Variants in PPARGC1A observed in about 807,000 individuals in gnomAD.
The protein encoded by PPARGC1A is peroxisome proliferator-activated receptor gamma coactivator 1-alpha.
Under a neutral mutation model 88.7 loss-of-function variants are expected in PPARGC1A, and 25 were observed. The ratio of observed to expected loss-of-function variants is 0.28; its 90% CI spans 0.21 to 0.39. PPARGC1A has a LOEUF of 0.39. Ranked by LOEUF, PPARGC1A falls within the 10% of genes least tolerant of loss-of-function variation. The pLI, the probability that PPARGC1A is intolerant of heterozygous loss-of-function variation, is 1.00. For synonymous variants in PPARGC1A, 363 were observed against 355.6 expected, an observed-to-expected ratio of 1.02 and a Z score of -0.24; for missense variants, 880 against 968.7, an observed-to-expected ratio of 0.91 and a Z score of 1.22.
chr4:24,311,249 G>A, the PPARGC1A span, among the ~76,000 whole-genome samples: 7 of 148,496 alleles, frequency 4.7e-5, no homozygotes, highest in South Asian at 4.2e-4. Flanking sequence ...ACAGGCGCCC[G>A]CCACCACGCC....
chr4:24,441,927 C>T, the PPARGC1A span, among the ~76,000 whole-genome samples: 1 of 152,190 alleles, frequency 6.6e-6, no homozygotes, highest in African/African-American at 2.4e-5. Context: ...AATTCAGTAG[C>T]ATCAGAATGA....
chr4:24,154,367 ATGTC>A, the PPARGC1A span, among the ~76,000 whole-genome samples: 1 of 152,310 alleles, frequency 6.6e-6, no homozygotes, highest in East Asian at 1.9e-4. Context: ...TGCTCAAAAC[ATGTC>A]TGTCAAATAA....
the PPARGC1A span, among the ~76,000 whole-genome samples, chr4:24,405,792 C>T: frequency 1.3e-5 from 2 of 152,222 alleles, no homozygotes; most frequent in Non-Finnish European, 2.9e-5. Flanking sequence ...TTCAACTCAA[C>T]TCGAACTGCC....
the PPARGC1A span, among the ~76,000 whole-genome samples, chr4:24,117,772 T>C: frequency 1.3e-5 from 2 of 152,038 alleles, no homozygotes; most frequent in African/African-American, 4.8e-5. Context: ...CTATTAATAA[T>C]AATTAGTAAC....
At chr4:23,879,838 C>A (rs1715562531) in intron 2 of PPARGC1A, 1 of 152,154 alleles carries the variant, frequency 6.6e-6, no homozygotes, top group African/African-American at 2.4e-5. Context: ...ACATTTCCAA[C>A]TGGGTTCTCA....
chr4:24,021,410 C>T, the PPARGC1A span, among the ~76,000 whole-genome samples: 1 of 152,158 alleles, frequency 6.6e-6, no homozygotes. Context: ...TTTATTCATT[C>T]CTTCCTCAGT....
At chr4:24,097,716 C>T in the PPARGC1A span, among the ~76,000 whole-genome samples, 3 of 152,154 alleles carry the variant, frequency 2.0e-5, no homozygotes, top group African/African-American at 7.2e-5. Context: ...CTATGAATTC[C>T]AGCACTGTAG....
the PPARGC1A span, among the ~76,000 whole-genome samples, chr4:24,138,069 G>A: frequency 2.5e-3 from 383 of 152,280 alleles, 1 homozygote; most frequent in African/African-American, 8.8e-3. Context: ...TGAGCATAGA[G>A]CCCAAAGTTC....
chr4:24,009,578 T>C, the PPARGC1A span, among the ~76,000 whole-genome samples: 1 of 152,202 alleles, frequency 6.6e-6, no homozygotes, highest in Non-Finnish European at 1.5e-5. Flanking sequence ...TTTTAGTAAC[T>C]ACAAACAATT....
At chr4:23,866,677 C>T (rs775721375) in intron 2 of PPARGC1A, among the ~76,000 whole-genome samples, 2 of 152,126 alleles carry the variant, frequency 1.3e-5, no homozygotes, top group Non-Finnish European at 1.5e-5. Flanking sequence ...AAATAGCAGG[C>T]ACTAGAGAAT....
the PPARGC1A span, among the ~76,000 whole-genome samples, chr4:24,067,773 C>T: frequency 2.0e-5 from 3 of 152,208 alleles, no homozygotes; most frequent in East Asian, 1.9e-4. Context: ...AAGCTGATTA[C>T]GGAGTTCCCA....
In PPARGC1A at chr4:23,792,419, T is replaced by C. The variant is rs577637929; in HGVS notation, c.*3403A>G. The C allele has an allele frequency of 6.6e-6, 1 of 152,560 alleles. No homozygotes were observed. The highest frequency in any genetic ancestry group is 1.5e-5 in the Non-Finnish European group (1 of 68,026). 9.5% of individuals were successfully genotyped at this position (152,560 alleles called of 1,614,324 possible). A position where few individuals can be genotyped will look rare whatever the true frequency, so the allele number is the denominator to read the frequency against. ...CAAGAAAGGACACATAATCATTACC[T>C]ACTGGAAGCTCACATCTAAAGGCAT... On this transcript the variant is annotated 3_prime_UTR_variant, in exon 13 of 13. Coordinates refer to ENST00000264867, the MANE Select transcript of PPARGC1A (RefSeq NM_013261.5).
At chr4:24,241,116 C>G in the PPARGC1A span, among the ~76,000 whole-genome samples, 63 of 152,254 alleles carry the variant, frequency 4.1e-4, 2 homozygotes, top group East Asian at 0.012. Context: ...CTCTCCTGCC[C>G]TGGATTTTAT....
chr4:24,022,683 C>T, the PPARGC1A span, among the ~76,000 whole-genome samples: 1 of 152,158 alleles, frequency 6.6e-6, no homozygotes, highest in East Asian at 1.9e-4. Flanking sequence ...CCAGTTGCCT[C>T]AGATTAGAAA....
chr4:24,387,998 T>TGAAG, the PPARGC1A span, among the ~76,000 whole-genome samples: 3 of 125,852 alleles, frequency 2.4e-5, no homozygotes, highest in Admixed American at 7.7e-5. Flanking sequence ...GAGGGAGGGA[T>TGAAG]GAAGGAAGGA....
intron 10 of PPARGC1A, 114 bp downstream of exon 10, chr4:23,812,633 G>C (rs2109447307): frequency 6.7e-7 from 1 of 1,501,752 alleles, no homozygotes; most frequent in South Asian, 1.3e-5. Context: ...GCTGAAAATG[G>C]CCTGTTCTAA....
chr4:24,174,341 AGAGT>A, the PPARGC1A span, among the ~76,000 whole-genome samples: 5 of 152,232 alleles, frequency 3.3e-5, no homozygotes, highest in East Asian at 3.8e-4. Flanking sequence ...CAGAGATTTA[AGAGT>A]GAGTCTCAGG....
chr4:24,400,940 A>G, the PPARGC1A span, among the ~76,000 whole-genome samples: 1 of 151,888 alleles, frequency 6.6e-6, no homozygotes, highest in African/African-American at 2.4e-5. Flanking sequence ...GCATGATTCA[A>G]AGTTGTTTAC....
the PPARGC1A span, among the ~76,000 whole-genome samples, chr4:24,022,028 A>G: frequency 6.6e-6 from 1 of 152,152 alleles, no homozygotes; most frequent in African/African-American, 2.4e-5. Flanking sequence ...AGAGGCGAGG[A>G]GTGGCCAGTG....
Sources: allele counts gnomAD v4.1 joint callset (sites outside exome capture counted in the v4.1 genomes callset), GRCh38; gene constraint gnomAD v4.1.1; transcripts MANE v1.5; gene names NCBI Gene and HGNC (gene_info 2026-07-23, HGNC 2026-07-21).